Variants in DLG2 observed in about 807,000 individuals in gnomAD.
DLG2 encodes disks large homolog 2.
Under a neutral mutation model 132.5 loss-of-function variants are expected in DLG2, and 45 were observed. The ratio of observed to expected loss-of-function variants is 0.34; its 90% CI spans 0.27 to 0.44. DLG2 has a LOEUF of 0.44. DLG2 is among the 20% of genes least tolerant of loss of function. The pLI, the probability that DLG2 is intolerant of heterozygous loss-of-function variation, is 1.00. For synonymous variants in DLG2, 424 were observed against 419.6 expected (o/e 1.01, Z -0.13); for missense variants, 1,045 against 1,196.9 (o/e 0.87, Z 1.87).
At chr11:83,946,943 A>G (rs1298100701) in intron 14 of DLG2, among the ~76,000 whole-genome samples, 1 of 152,190 alleles carries the variant, frequency 6.6e-6, no homozygotes, top group Non-Finnish European at 1.5e-5. Flanking sequence ...AATTCGGTAT[A>G]ACCTTATTAG....
intron 11 of DLG2, among the ~76,000 whole-genome samples, chr11:84,039,370 G>A (rs1207254016): frequency 4.8e-4 from 44 of 91,374 alleles, no homozygotes; most frequent in African/African-American, 1.9e-3. Flanking sequence ...CCCTCCCCCC[G>A]CCCCCCACCC....
chr11:83,646,057 T>G (rs609948), intron 18 of DLG2, among the ~76,000 whole-genome samples: 49,414 of 151,958 alleles, frequency 0.33, 8,428 homozygotes, highest in African/African-American at 0.4. Context: ...AATCTACTTA[T>G]GTTTGATTGA....
intron 6 of DLG2, among the ~76,000 whole-genome samples, chr11:84,977,097 C>G (rs1592116003): frequency 6.6e-6 from 1 of 152,114 alleles, no homozygotes; most frequent in East Asian, 1.9e-4. Context: ...GTTTACTTGT[C>G]TTTGAAGTAA....
intron 3 of DLG2, among the ~76,000 whole-genome samples, chr11:85,464,254 C>T (rs2092710775): frequency 6.6e-6 from 1 of 152,170 alleles, no homozygotes; most frequent in African/African-American, 2.4e-5. Context: ...GCTGCACAGA[C>T]AAAATCAATC....
At chr11:84,000,644 T>C (rs2094298287) in intron 11 of DLG2, among the ~76,000 whole-genome samples, 1 of 152,086 alleles carries the variant, frequency 6.6e-6, no homozygotes, top group South Asian at 2.1e-4. Context: ...CAAGGGAATC[T>C]CCACTAGACT....
chr11:84,588,329 G>A (rs2099534637), intron 6 of DLG2, among the ~76,000 whole-genome samples: 2 of 152,018 alleles, frequency 1.3e-5, no homozygotes, highest in Non-Finnish European at 2.9e-5. Context: ...CTTCTTTTCA[G>A]CCCCACCCCC....
intron 15 of DLG2, among the ~76,000 whole-genome samples, chr11:83,877,300 T>G (rs1216449681): frequency 6.6e-6 from 1 of 152,136 alleles, no homozygotes; most frequent in East Asian, 1.9e-4. Flanking sequence ...ACTTATTGGC[T>G]AATTGTATAT....
rs77311643 is a variant in DLG2 at position 85,022,542 on chromosome 11, G to A, written c.357+89119C>T. On this transcript the variant is annotated intron_variant, in intron 6 of 27. Coordinates refer to ENST00000376104, the MANE Select transcript of DLG2 (RefSeq NM_001142699.3). ...ACTATGTCACAAAAGCAAAGAACACGGTTTGGATGCAAGCTATACTGTGTA... is the reference window on the plus strand; with the variant it reads ...ACTATGTCACAAAAGCAAAGAACACAGTTTGGATGCAAGCTATACTGTGTA... Among the ~76,000 whole-genome samples, 406 of 152,070 alleles carry A rather than the reference G, an allele frequency of 2.7e-3. 3 individuals carry two copies. Among genetic ancestry groups the A allele is most frequent in the African/African-American group, 9.3e-3 (388 of 41,526 alleles).
chr11:84,118,219 C>T (rs2093730847), intron 9 of DLG2, among the ~76,000 whole-genome samples: 1 of 152,166 alleles, frequency 6.6e-6, no homozygotes, highest in South Asian at 2.1e-4. Flanking sequence ...TATGTTTACT[C>T]ATGCTTCTAT....
At chr11:85,284,381 A>G (rs117872524) in intron 4 of DLG2, among the ~76,000 whole-genome samples, 3 of 151,904 alleles carry the variant, frequency 2.0e-5, no homozygotes, top group African/African-American at 7.2e-5. Context: ...CTCAATATTA[A>G]CAATACAAAC....
At chr11:83,597,252 T>A (rs1275275420) in intron 19 of DLG2, among the ~76,000 whole-genome samples, 1 of 152,192 alleles carries the variant, frequency 6.6e-6, no homozygotes, top group East Asian at 1.9e-4. Flanking sequence ...AGCAGGATCA[T>A]GAGCTATCTG....
At chr11:83,918,302 G>A (rs2077261209) in intron 15 of DLG2, among the ~76,000 whole-genome samples, 1 of 152,136 alleles carries the variant, frequency 6.6e-6, no homozygotes, top group Non-Finnish European at 1.5e-5. Context: ...TACAGCAGAA[G>A]GTCTTTGATC....
chr11:85,040,538 GA>G (rs1487582648), intron 6 of DLG2, among the ~76,000 whole-genome samples: 1 of 151,922 alleles, frequency 6.6e-6, no homozygotes, highest in East Asian at 1.9e-4. Context: ...TTTATAATAT[GA>G]GTAGCAACTA....
chr11:85,368,567 A>C (rs567837591), intron 3 of DLG2, among the ~76,000 whole-genome samples: 16 of 152,272 alleles, frequency 1.1e-4, no homozygotes, highest in African/African-American at 3.9e-4. Context: ...GCATCTTCCT[A>C]CTTTTTCTCT....
chr11:84,893,077 C>T (rs1400993360), intron 6 of DLG2, among the ~76,000 whole-genome samples: 4 of 152,094 alleles, frequency 2.6e-5, no homozygotes, highest in South Asian at 2.1e-4. Flanking sequence ...CTCTTCTTGT[C>T]AATAAAAATT....
intron 6 of DLG2, among the ~76,000 whole-genome samples, chr11:84,854,565 T>A (rs2082540573): frequency 6.6e-6 from 1 of 152,020 alleles, no homozygotes; most frequent in South Asian, 2.1e-4. Context: ...TGAAGCCAAC[T>A]ATTTCCCAGT....
In DLG2 at chr11:84,188,681, C is replaced by T. The variant is rs374472893; in HGVS notation, c.574-25170G>A. On this transcript the variant is annotated intron_variant, in intron 8 of 27. Coordinates refer to ENST00000376104, the MANE Select transcript of DLG2 (RefSeq NM_001142699.3). ...CAAAATTGCAAACCCAAAGCCACAG[C>T]TCTCCCTAAATATTCTCTTTTGCTC... Among the ~76,000 whole-genome samples the T allele has an allele frequency of 7.2e-4, 109 of 152,246 alleles. No homozygotes were observed. The South Asian group carries it at 0.014, about 20-fold the overall frequency.
At chr11:84,697,030 G>C (rs2058690949) in intron 6 of DLG2, among the ~76,000 whole-genome samples, 1 of 151,366 alleles carries the variant, frequency 6.6e-6, no homozygotes, top group African/African-American at 2.4e-5. Flanking sequence ...AAGGGAAATA[G>C]AGGAGTTAAC....
chr11:85,202,708 C>T (rs550702738), intron 4 of DLG2, among the ~76,000 whole-genome samples: 72 of 151,732 alleles, frequency 4.7e-4, no homozygotes, highest in Middle Eastern at 3.4e-3. Context: ...TTTCTGACCA[C>T]GATGTAACAA....
Sources: allele counts gnomAD v4.1 joint callset (sites outside exome capture counted in the v4.1 genomes callset), GRCh38; gene constraint gnomAD v4.1.1; transcripts MANE v1.5; gene names NCBI Gene and HGNC (gene_info 2026-07-23, HGNC 2026-07-21).